Variants in TCAIM observed in about 807,000 individuals in gnomAD.
TCAIM encodes the protein T-cell activation inhibitor, mitochondrial.
In TCAIM, 36 loss-of-function variants were observed where a neutral mutation model predicts 58.6. The observed-to-expected ratio is 0.61, with a 90% CI of 0.47 to 0.81. TCAIM has a LOEUF of 0.81. Among genes scored for constraint, TCAIM ranks in the 30% least tolerant of loss-of-function variants. The pLI, the probability that TCAIM is intolerant of heterozygous loss-of-function variation, is 0.00. For synonymous variants in TCAIM, 172 were observed against 193.6 expected (o/e 0.89, Z 0.93); for missense variants, 466 against 579.6 (o/e 0.80, Z 2.01).
intron 5 of TCAIM, among the ~76,000 whole-genome samples, chr3:44,387,659 G>A (rs1021448768): frequency 6.6e-6 from 1 of 152,244 alleles, no homozygotes; most frequent in African/African-American, 2.4e-5. Flanking sequence ...GCCACTCTGT[G>A]CCTGGCTGGC....
intron 3 of TCAIM, among the ~76,000 whole-genome samples, chr3:44,360,018 T>C (rs927722016): frequency 6.6e-6 from 1 of 152,214 alleles, no homozygotes; most frequent in African/African-American, 2.4e-5. Flanking sequence ...ATCCCAGATA[T>C]GGCTTGTCCT....
chr3:44,375,386 C>T (rs1383862467), intron 5 of TCAIM, among the ~76,000 whole-genome samples: 2 of 152,040 alleles, frequency 1.3e-5, no homozygotes, highest in Non-Finnish European at 2.9e-5. Context: ...GAAAGAAGAA[C>T]AAGCATCATG....
intron 5 of TCAIM, among the ~76,000 whole-genome samples, chr3:44,372,718 C>T (rs1468942937): frequency 4.6e-5 from 7 of 151,918 alleles, no homozygotes; most frequent in African/African-American, 7.3e-5. Flanking sequence ...CTCAACCTCC[C>T]GAGTAGCTGG....
At chr3:44,379,761 A>G (rs1366086794) in intron 5 of TCAIM, among the ~76,000 whole-genome samples, 1 of 152,146 alleles carries the variant, frequency 6.6e-6, no homozygotes, top group Non-Finnish European at 1.5e-5. Context: ...GTTTCTAACT[A>G]TCAGGTGCTA....
chr3:44,362,489 C>T (rs1352467031), intron 4 of TCAIM: 1 of 400,710 alleles, frequency 2.5e-6, no homozygotes, highest in African/African-American at 2.1e-5. Context: ...ACTCCTCACC[C>T]AGTCTCTCCA....
intron 1 of TCAIM, among the ~76,000 whole-genome samples, 188 bp from the exon 2 acceptor site, chr3:44,354,551 A>T (rs1701154357): frequency 6.6e-6 from 1 of 152,166 alleles, no homozygotes; most frequent in African/African-American, 2.4e-5. Flanking sequence ...AACATGGAGT[A>T]TCTCTCCATT....
At chr3:44,405,231 A>G (rs1211092367) in intron 10 of TCAIM, among the ~76,000 whole-genome samples, 2 of 152,128 alleles carry the variant, frequency 1.3e-5, no homozygotes, top group Non-Finnish European at 2.9e-5. Flanking sequence ...TCCTCACTTT[A>G]TGTTTTTATA....
rs928698647 is a variant in TCAIM at position 44,357,678 on chromosome 3, A to G, written c.30-63A>G. On this transcript the variant is annotated intron_variant, in intron 2 of 10. Transcript: ENST00000342649. ...TACGTTTAGTTTTATTGTCACTTAT[A>G]CATTGAGGATTTGTGTGTGTGTGAG... 11 of 1,590,876 alleles carry G rather than the reference A, an allele frequency of 6.9e-6. No individual in the cohort carries two copies. In the African/African-American group the frequency reaches 1.2e-4, roughly 18 times the overall value.
At chr3:44,361,621 G>C (rs546911035) in intron 4 of TCAIM, 103 bp downstream of exon 4, 1 of 1,143,884 alleles carries the variant, frequency 8.7e-7, no homozygotes, top group African/African-American at 1.6e-5. Flanking sequence ...TTTGGTGATA[G>C]AAAAATAATA....
intron 6 of TCAIM, among the ~76,000 whole-genome samples, chr3:44,393,302 T>TA (rs934907091): frequency 1.2e-4 from 18 of 147,556 alleles, no homozygotes; most frequent in Admixed American, 2.0e-4. Context: ...TACAAAAACT[T>TA]AAAAAAAAAA....
chr3:44,389,483 C>T (rs919256951), intron 5 of TCAIM, among the ~76,000 whole-genome samples: 1 of 152,104 alleles, frequency 6.6e-6, no homozygotes, highest in African/African-American at 2.4e-5. Flanking sequence ...GGGCCCCAAA[C>T]CAGACATGAT....
Position 44,363,921 on chromosome 3 carries a change from T to C in TCAIM, c.319+2403T>C, listed in dbSNP as rs13324177. ...AACTGGACAACACAGCAAGTCTGTC[T>C]TTTTTTTTTTTTTTTTTTTTTTTTT... On this transcript the variant is annotated intron_variant, in intron 4 of 10. Transcript: ENST00000342649. 2.7e-3 allele frequency among the ~76,000 whole-genome samples: 58 copies of C among 21,284 alleles called. 1 individual carries two copies. Among genetic ancestry groups the C allele is most frequent in the African/African-American group, 7.7e-3 (58 of 7,574 alleles). The allele number at this position is 21,284 out of a possible 152,430, so 14.0% of individuals were successfully genotyped here.
intron 1 of TCAIM, among the ~76,000 whole-genome samples, chr3:44,348,307 G>A (rs527907727): frequency 3.3e-5 from 5 of 152,344 alleles, no homozygotes; most frequent in African/African-American, 1.2e-4. Context: ...AGAAGATCTG[G>A]GAAGGAGTCA....
At chr3:44,379,099 AGGGTG>A (rs1401075951) in intron 5 of TCAIM, among the ~76,000 whole-genome samples, 1 of 45,670 alleles carries the variant, frequency 2.2e-5, no homozygotes, top group Non-Finnish European at 4.2e-5. Flanking sequence ...CTCGGTGGGG[AGGGTG>A]GGGTGGGGTG....
At chr3:44,349,604 C>G (rs1177877436) in intron 1 of TCAIM, among the ~76,000 whole-genome samples, 1 of 152,084 alleles carries the variant, frequency 6.6e-6, no homozygotes, top group Non-Finnish European at 1.5e-5. Flanking sequence ...GCAGGTGTCC[C>G]CGTGGTGATA....
intron 5 of TCAIM, among the ~76,000 whole-genome samples, chr3:44,385,788 G>A (rs1274865515): frequency 6.6e-6 from 1 of 151,938 alleles, no homozygotes; most frequent in Non-Finnish European, 1.5e-5. Flanking sequence ...ACCTTCACCT[G>A]ACCTGTTAGT....
intron 1 of TCAIM, among the ~76,000 whole-genome samples, chr3:44,350,939 G>T (rs550060863): frequency 5.9e-5 from 9 of 152,134 alleles, no homozygotes; most frequent in Non-Finnish European, 1.3e-4. Flanking sequence ...TGAAGTTTGG[G>T]TGAGAATTTA....
intron 10 of TCAIM, among the ~76,000 whole-genome samples, chr3:44,403,758 T>C (rs1702057731): frequency 6.6e-6 from 1 of 152,176 alleles, no homozygotes; most frequent in Non-Finnish European, 1.5e-5. Flanking sequence ...CTCCCCTGTC[T>C]CACTCCCTAC....
At chr3:44,396,310 G>A in intron 6 of TCAIM, 90 bp from the exon 7 acceptor site, 1 of 1,024,842 alleles carries the variant, frequency 9.8e-7, no homozygotes. Context: ...AGACTCATTG[G>A]CTTTCCAAGG....
Sources: gnomAD v4.1 joint callset for allele counts (sites outside exome capture counted in the v4.1 genomes callset) on GRCh38, gnomAD v4.1.1 for gene constraint, MANE v1.5 for transcripts, NCBI Gene and HGNC (gene_info 2026-07-23, HGNC 2026-07-21) for gene names.